BBS2: variants seen among roughly 807,000 people sequenced by gnomAD.
BBS2 encodes Bardet-Biedl syndrome 2.
BBS2 carries 62 observed loss-of-function variants against 83.0 expected under a neutral mutation model. The ratio of observed to expected loss-of-function variants is 0.75; its 90% CI spans 0.61 to 0.92. The LOEUF is 0.92. BBS2 is among the 40% of genes least tolerant of loss of function. The pLI is 0.00. For missense variants in BBS2, 784 were observed against 901.0 expected, an observed-to-expected ratio of 0.87 and a Z score of 1.66; for synonymous variants, 303 against 326.1, an observed-to-expected ratio of 0.93 and a Z score of 0.76.
chr16:56,485,289 G>A (rs1379590773), intron 16 of BBS2, among the ~76,000 whole-genome samples: 1 of 151,996 alleles, frequency 6.6e-6, no homozygotes, highest in Admixed American at 6.6e-5. Flanking sequence ...GGCCTTGATG[G>A]TTTTATTTAT....
chr16:56,515,428 C>T (rs1964706672), intron 1 of BBS2, among the ~76,000 whole-genome samples: 1 of 152,092 alleles, frequency 6.6e-6, no homozygotes, highest in Non-Finnish European at 1.5e-5. Context: ...TAGCCCTTCG[C>T]AGGACCACAG....
chr16:56,508,628 C>CT (rs1964491158), intron 5 of BBS2, among the ~76,000 whole-genome samples: 1 of 151,502 alleles, frequency 6.6e-6, no homozygotes. Context: ...TTTCCTAACT[C>CT]TTAACACTGT....
At chr16:56,511,105 C>G (rs1310045791) in intron 3 of BBS2, 54 bp downstream of exon 3, 1 of 1,610,404 alleles carries the variant, frequency 6.2e-7, no homozygotes, top group African/African-American at 1.3e-5. Context: ...TAAAAAAGAA[C>G]ATTAAAAGTA....
At chr16:56,498,369 C>T in intron 13 of BBS2, 68 bp downstream of exon 13, 2 of 1,580,846 alleles carry the variant, frequency 1.3e-6, no homozygotes, top group Non-Finnish European at 8.7e-7. Context: ...CCCTCTCATT[C>T]CATGGTCTAA....
intron 17 of BBS2, chr16:56,475,936 T>C (rs1963449774): frequency 1.0e-6 from 1 of 1,000,232 alleles, no homozygotes; most frequent in Admixed American, 2.5e-5. Flanking sequence ...GACCCCTCTA[T>C]CCCCAGATTA....
chr16:56,473,069 T>C (rs557258655), intron 17 of BBS2, among the ~76,000 whole-genome samples: 1 of 152,314 alleles, frequency 6.6e-6, no homozygotes, highest in South Asian at 2.1e-4. Flanking sequence ...TAGCTGGGAC[T>C]ACAGGCGCAT....
intron 17 of BBS2, among the ~76,000 whole-genome samples, chr16:56,471,426 T>A (rs1443719544): frequency 6.6e-6 from 1 of 151,212 alleles, no homozygotes. Flanking sequence ...TTTAGAAAAG[T>A]CTCTCTGAGG....
At chr16:56,476,378 T>C (rs1429786636) in intron 17 of BBS2, 1 of 490,100 alleles carries the variant, frequency 2.0e-6, no homozygotes, top group South Asian at 4.8e-5. Context: ...GACCTTGAGC[T>C]TGCAGCTAAG....
downstream of BBS2, among the ~76,000 whole-genome samples, chr16:56,479,831 C>G (rs1455461467): frequency 2.0e-5 from 3 of 152,248 alleles, no homozygotes; most frequent in Admixed American, 2.0e-4. Context: ...TGAAGGGTCT[C>G]AGTTTCAGCA....
In BBS2 at chr16:56,505,057, A is replaced by C. The variant is rs147236264; in HGVS notation, c.804+893T>G. ...CCTTGATGGGGGCTTCCCAGCCTCC[A>C]GAACTATAAGAAATAAATTTCTGTT... On this transcript the variant is annotated intron_variant, in intron 7 of 16. Transcript: ENST00000245157. Among the ~76,000 whole-genome samples the C allele has an allele frequency of 3.9e-3, 593 of 152,344 alleles. 5 individuals are homozygous for C. Among genetic ancestry groups the C allele is most frequent in the South Asian group, 0.014 (69 of 4,824 alleles).
chr16:56,492,439 G>A (rs2144116691), intron 15 of BBS2, among the ~76,000 whole-genome samples: 1 of 152,254 alleles, frequency 6.6e-6, no homozygotes, highest in East Asian at 1.9e-4. Context: ...ATATTTGCAT[G>A]GAGTATCTAA....
At chr16:56,474,821 TC>T in intron 17 of BBS2, 1 of 1,586,312 alleles carries the variant, frequency 6.3e-7, no homozygotes, top group Non-Finnish European at 8.5e-7. Flanking sequence ...TTTTTTTTTT[TC>T]CTTAGAATCA....
intron 2 of BBS2, among the ~76,000 whole-genome samples, chr16:56,512,479 G>A (rs1420402742): frequency 1.3e-5 from 2 of 152,166 alleles, no homozygotes; most frequent in Non-Finnish European, 2.9e-5. Context: ...CACCAAGAGA[G>A]TGGATAAACA....
chr16:56,516,388 T>C (rs766726098), intron 1 of BBS2, among the ~76,000 whole-genome samples: 48 of 152,018 alleles, frequency 3.2e-4, no homozygotes, highest in Non-Finnish European at 5.6e-4. Flanking sequence ...CTGCAAGAGA[T>C]TCCTTTTATT....
Position 56,470,478 on chromosome 16 carries a change from G to A in BBS2, c.*218C>T, listed in dbSNP as rs745674135. 1.8e-5 allele frequency: 28 copies of A among 1,591,658 alleles called. No homozygotes were observed. The Admixed American group carries it at 3.2e-4, about 18-fold the overall frequency. On this transcript the variant is annotated 3_prime_UTR_variant, in exon 18 of 18. Coordinates refer to the BBS2 transcript ENST00000682047. ...CTTTGATGAACAACTTGACATTGCT[G>A]TTTTTCAGGTTTTATGAGAAAGCTG...
In BBS2 at chr16:56,502,709, G is replaced by A. The variant is rs1964310851; in HGVS notation, c.904C>T (p.His302Tyr). 6.2e-7 allele frequency: 1 copy of A among 1,613,964 alleles called. No individual in the cohort carries two copies. Among genetic ancestry groups the A allele is most frequent in the Non-Finnish European group, 8.5e-7 (1 of 1,180,032 alleles). ...ACTGAGCAGCAGATTAACTGTATGT[G>A]GCCATCCATCCGGTAATCTCCCTCT... is the stretch of plus-strand genomic sequence containing the variant. Reference protein sequence around the residue: ...VVEGDYRMDGHIQLICCSVDG... With the variant: ...VVEGDYRMDGYIQLICCSVDG... The change falls in exon 8 of 17, where the codon CAC becomes TAC. Residue 302 changes from histidine (H) to tyrosine (Y), a missense_variant. Coordinates refer to ENST00000245157, the MANE Select transcript of BBS2 (RefSeq NM_031885.5).
chr16:56,509,696 T>C (rs1277366725), intron 5 of BBS2: 1 of 455,588 alleles, frequency 2.2e-6, no homozygotes, highest in Non-Finnish European at 4.0e-6. Flanking sequence ...ATGTATTAAC[T>C]CATTAAAAGA....
chr16:56,513,868 T>C (rs1964650462), intron 2 of BBS2, among the ~76,000 whole-genome samples: 1 of 152,184 alleles, frequency 6.6e-6, no homozygotes, highest in Non-Finnish European at 1.5e-5. Context: ...AAAGCTGCTA[T>C]AGGGTAAAAA....
chr16:56,473,808 A>G (rs569553817), intron 17 of BBS2, among the ~76,000 whole-genome samples: 1 of 150,828 alleles, frequency 6.6e-6, no homozygotes, highest in African/African-American at 2.4e-5. Flanking sequence ...AGGAGTATTA[A>G]CCTTCTTTTT....
Sources: allele counts gnomAD v4.1 joint callset (sites outside exome capture counted in the v4.1 genomes callset), GRCh38; gene constraint gnomAD v4.1.1; transcripts MANE v1.5; gene names NCBI Gene and HGNC (gene_info 2026-07-23, HGNC 2026-07-21).